MRTFA: variants seen among roughly 807,000 people sequenced by gnomAD.
MRTFA encodes the protein myocardin related transcription factor A, also known as myocardin-related transcription factor A.
A neutral mutation model predicts 83.5 loss-of-function variants in MRTFA; 20 were observed. That is an observed-to-expected ratio of 0.24 (90% CI 0.17 to 0.35). MRTFA has a LOEUF of 0.35. MRTFA is among the 10% of genes least tolerant of loss of function. The pLI is 1.00. For synonymous variants in MRTFA, 659 were observed against 541.2 expected (o/e 1.22, Z -3.02); for missense variants, 1,200 against 1,224.7 (o/e 0.98, Z 0.30).
intron 1 of MRTFA, among the ~76,000 whole-genome samples, chr22:40,608,584 G>C (rs927267468): frequency 6.6e-6 from 1 of 152,182 alleles, no homozygotes; most frequent in Non-Finnish European, 1.5e-5. Context: ...TTTTACAAAT[G>C]AGGAAACCAG....
intron 1 of MRTFA, among the ~76,000 whole-genome samples, chr22:40,610,102 A>G (rs1255495740): frequency 7.3e-6 from 1 of 136,920 alleles, no homozygotes; most frequent in Non-Finnish European, 1.5e-5. Context: ...CTTGGAGGGC[A>G]GTGGCGTGAT....
intron 3 of MRTFA, among the ~76,000 whole-genome samples, chr22:40,479,424 G>C (rs945736558): frequency 6.6e-6 from 1 of 152,002 alleles, no homozygotes; most frequent in Non-Finnish European, 1.5e-5. Context: ...GCTGCTGGCC[G>C]GCCTTTCCTC....
At chr22:40,499,966 G>A (rs1356505797) in intron 3 of MRTFA, among the ~76,000 whole-genome samples, 2 of 124,044 alleles carry the variant, frequency 1.6e-5, no homozygotes, top group African/African-American at 6.2e-5. Flanking sequence ...CTGTCCCCAA[G>A]GCTGGAATGA....
intron 3 of MRTFA, among the ~76,000 whole-genome samples, chr22:40,476,331 G>T (rs2053997277): frequency 6.6e-6 from 1 of 152,138 alleles, no homozygotes; most frequent in Non-Finnish European, 1.5e-5. Context: ...ATGTCTCTGT[G>T]TTCCCTAACT....
chr22:40,533,817 GAC>G, intron 3 of MRTFA: 1 of 397,290 alleles, frequency 2.5e-6, no homozygotes, highest in Non-Finnish European at 4.4e-6. Flanking sequence ...GAGTCAAGAT[GAC>G]ACAGATTTGA....
At chr22:40,611,566 G>A (rs574999148) in intron 1 of MRTFA, among the ~76,000 whole-genome samples, 5 of 152,244 alleles carry the variant, frequency 3.3e-5, no homozygotes, top group South Asian at 2.1e-4. Flanking sequence ...GTTTCCCAAA[G>A]GAGTTTAGAC....
chr22:40,548,465 C>T (rs2055400472), intron 3 of MRTFA, among the ~76,000 whole-genome samples: 1 of 151,274 alleles, frequency 6.6e-6, no homozygotes, highest in Admixed American at 6.6e-5. Context: ...AGAGAGAAAG[C>T]GTATCCCAAA....
chr22:40,468,883 G>T (rs1369938637), intron 3 of MRTFA, among the ~76,000 whole-genome samples: 1 of 152,090 alleles, frequency 6.6e-6, no homozygotes, highest in African/African-American at 2.4e-5. Context: ...CTGAAAGACT[G>T]GTCTGGTTGG....
chr22:40,628,471 T>C (rs2056605090), intron 1 of MRTFA, among the ~76,000 whole-genome samples: 1 of 152,194 alleles, frequency 6.6e-6, no homozygotes, highest in Non-Finnish European at 1.5e-5. Context: ...GACAAAGACC[T>C]GTAAATAGCC....
chr22:40,524,271 G>A (rs928269210), intron 3 of MRTFA, among the ~76,000 whole-genome samples: 1 of 152,060 alleles, frequency 6.6e-6, no homozygotes, highest in Non-Finnish European at 1.5e-5. Flanking sequence ...ACTCCACCCT[G>A]GGCAGCAGAG....
rs1365836536 is a variant in MRTFA, at chr22:40,518,826, T to C, written c.241+33280A>G. Among the ~76,000 whole-genome samples the C allele has an allele frequency of 2.2e-5, 3 of 137,818 alleles. 1 individual carries two copies. The highest frequency in any genetic ancestry group is 4.7e-5 in the Non-Finnish European group (3 of 64,220). The allele number at this position is 137,818 out of a possible 152,430, so 90.4% of individuals were successfully genotyped here. ...AAAAAAAAAAAAAAAAAAAAACCAG[T>C]GTCTGTCTTTCCTCTTCATGCACTG... On this transcript the variant is annotated intron_variant, in intron 3 of 14. Transcript: ENST00000355630.
chr22:40,636,086 C>T (rs2056694764), intron 1 of MRTFA, among the ~76,000 whole-genome samples: 1 of 152,242 alleles, frequency 6.6e-6, no homozygotes, highest in African/African-American at 2.4e-5. Context: ...CCAAGGACTG[C>T]ACTTGGATCC....
chr22:40,495,897 C>G (rs1443930070), intron 3 of MRTFA, among the ~76,000 whole-genome samples: 1 of 151,152 alleles, frequency 6.6e-6, no homozygotes, highest in Non-Finnish European at 1.5e-5. Flanking sequence ...GAAACTCGGT[C>G]TCTACTAAAA....
At chr22:40,622,631 C>T (rs1353441435) in intron 1 of MRTFA, among the ~76,000 whole-genome samples, 1 of 152,166 alleles carries the variant, frequency 6.6e-6, no homozygotes, top group Non-Finnish European at 1.5e-5. Context: ...TGAAGTGACG[C>T]TGCCACAAGC....
intron 1 of MRTFA, among the ~76,000 whole-genome samples, chr22:40,610,043 CTTTTTTTTT>C (rs966206904): frequency 8.0e-6 from 1 of 124,598 alleles, no homozygotes; most frequent in Non-Finnish European, 1.7e-5. Flanking sequence ...TTTTTTTTCT[CTTTTTTTTT>C]TTTTTTTTTT....
intron 1 of MRTFA, among the ~76,000 whole-genome samples, chr22:40,625,379 G>T (rs1163703247): frequency 6.6e-6 from 1 of 151,848 alleles, no homozygotes; most frequent in Non-Finnish European, 1.5e-5. Flanking sequence ...ACTTTGGGAA[G>T]CCAAGGCAGG....
chr22:40,628,719 T>C (rs1218344220), intron 1 of MRTFA, among the ~76,000 whole-genome samples: 1 of 152,168 alleles, frequency 6.6e-6, no homozygotes, highest in Non-Finnish European at 1.5e-5. Flanking sequence ...CTTCTATTAC[T>C]GCTATATGAG....
At chr22:40,614,009 G>A (rs1438367212) in intron 1 of MRTFA, among the ~76,000 whole-genome samples, 1 of 151,410 alleles carries the variant, frequency 6.6e-6, no homozygotes, top group Non-Finnish European at 1.5e-5. Flanking sequence ...AGACCAGCCT[G>A]ACCAACATGG....
intron 4 of MRTFA, among the ~76,000 whole-genome samples, chr22:40,461,879 T>G (rs2053720730): frequency 6.6e-6 from 1 of 152,098 alleles, no homozygotes; most frequent in African/African-American, 2.4e-5. Flanking sequence ...CTGCCCACCT[T>G]ACCCATCTTC....
Sources: gnomAD v4.1 joint callset for allele counts (sites outside exome capture counted in the v4.1 genomes callset) on GRCh38, gnomAD v4.1.1 for gene constraint, MANE v1.5 for transcripts, NCBI Gene and HGNC (gene_info 2026-07-23, HGNC 2026-07-21) for gene names.